SEC24C: variants seen among roughly 807,000 people sequenced by gnomAD.
SEC24C encodes the protein protein transport protein Sec24C.
A neutral mutation model predicts 117.0 loss-of-function variants in SEC24C; 22 were observed. That is an observed-to-expected ratio of 0.19 (90% CI 0.13 to 0.27). SEC24C has a LOEUF of 0.27. Among genes scored for constraint, SEC24C ranks in the 10% least tolerant of loss-of-function variants. The pLI, the probability that SEC24C is intolerant of heterozygous loss-of-function variation, is 1.00. For missense variants in SEC24C, 1,155 were observed against 1,375.1 expected, an observed-to-expected ratio of 0.84 and a Z score of 2.53; for synonymous variants, 506 against 529.4, an observed-to-expected ratio of 0.96 and a Z score of 0.61.
At chr10:73,745,106 A>C (rs923590182) in intron 1 of SEC24C, among the ~76,000 whole-genome samples, 1 of 152,174 alleles carries the variant, frequency 6.6e-6, no homozygotes, top group African/African-American at 2.4e-5. Context: ...CCCTTCTAGC[A>C]AAGGGGGAGA....
chr10:73,759,633 C>A lies in SEC24C; in HGVS notation c.320C>A (p.Ser107Tyr), dbSNP rs767612523. The change falls in exon 4 of 23, where the codon TCT becomes TAT. Residue 107 changes from serine to tyrosine, a missense_variant. By Grantham distance (144) the Ser-to-Tyr change is moderately radical. Transcript: ENST00000345254. Reference sequence around the variant, plus strand: ...CTTTCTTTTCACAGGCTGCCTGGGTCTCAGCCATTTGGGTCCCCATTGGCC... The same window carrying A: ...CTTTCTTTTCACAGGCTGCCTGGGTATCAGCCATTTGGGTCCCCATTGGCC... ...STVQMQRLPGSQPFGSPLAPV... is the reference protein window; with the variant it reads ...STVQMQRLPGYQPFGSPLAPV... 2 of 1,528,520 alleles carry A rather than the reference C, an allele frequency of 1.3e-6. No individual in the cohort carries two copies. Among genetic ancestry groups the A allele is most frequent in the Non-Finnish European group, 1.8e-6 (2 of 1,139,356 alleles). The allele number at this position is 1,528,520 out of a possible 1,614,324, so 94.7% of individuals were successfully genotyped here. A position where few individuals can be genotyped will look rare whatever the true frequency, so the allele number is the denominator to read the frequency against.
chr10:73,751,750 T>C (rs1392403696), intron 3 of SEC24C: 1 of 152,264 alleles, frequency 6.6e-6, no homozygotes, highest in Non-Finnish European at 1.5e-5. Context: ...GCCCTGTGGA[T>C]TATTGACCCA....
intron 2 of SEC24C, among the ~76,000 whole-genome samples, chr10:73,747,774 C>T (rs1032896137): frequency 1.2e-4 from 18 of 151,758 alleles, no homozygotes; most frequent in African/African-American, 4.1e-4. Context: ...ATTCTCCTGC[C>T]TCAGCCTCCC....
chr10:73,770,681 A>G lies in SEC24C; in HGVS notation c.3055-28A>G, dbSNP rs117207638. ...TTGACTGAACTCAGAGTGCCTTACC[A>G]TAAGGATAAATGAATTTTGTGTTCT... On this transcript the variant is annotated intron_variant, in intron 21 of 22. Transcript: ENST00000345254. 1,968 of 1,612,256 alleles carry G rather than the reference A, an allele frequency of 1.2e-3. 3 individuals carry two copies. The highest frequency in any genetic ancestry group is 1.6e-3 in the Non-Finnish European group (1,848 of 1,178,314).
rs1022991164 is a variant in SEC24C, at chr10:73,744,433, G to A, written c.-33G>A. On this transcript the variant is annotated 5_prime_UTR_variant, in exon 1 of 23. Transcript: ENST00000345254. ...GAACGAAGTCTAACCTGGATCTGGA[G>A]CCGGGTGAGGAGTGGCATCGGGAGG... The A allele has an allele frequency of 1.3e-5, 2 of 152,906 alleles. No homozygotes were observed. Among genetic ancestry groups the A allele is most frequent in the African/African-American group, 2.4e-5 (1 of 41,470 alleles). 9.5% of individuals were successfully genotyped at this position (152,906 alleles called of 1,614,324 possible).
rs550379929 is a variant in SEC24C, at chr10:73,759,963, G to A, written c.482-55G>A. 36 of 1,519,914 alleles carry A rather than the reference G, an allele frequency of 2.4e-5. No homozygotes were observed. The Admixed American group carries it at 5.6e-4, about 24-fold the overall frequency. The allele number at this position is 1,519,914 out of a possible 1,614,324, so 94.2% of individuals were successfully genotyped here. A position where few individuals can be genotyped will look rare whatever the true frequency, so the allele number is the denominator to read the frequency against. On this transcript the variant is annotated intron_variant, in intron 4 of 22. Transcript: ENST00000345254. ...TGTGTGGAAAGGGAAGTGATATACC[G>A]AACAAGGAGGCAGAATGACTGGGCT... is the stretch of plus-strand genomic sequence containing the variant.
In SEC24C at chr10:73,760,008, T is replaced by A. The variant is rs2132549777; in HGVS notation, c.482-10T>A. 6.4e-7 allele frequency: 1 copy of A among 1,557,848 alleles called. No homozygotes were observed. Among genetic ancestry groups the A allele is most frequent in the African/African-American group, 1.4e-5 (1 of 73,000 alleles). ...TGGGCTTTTGACTCTACCTTTATTC[T>A]ACTTCTCAGGCCCACCAACATCGCT... is the stretch of plus-strand genomic sequence containing the variant. On this transcript the variant is annotated splice_polypyrimidine_tract_variant and intron_variant, in intron 4 of 22. Coordinates refer to ENST00000345254, the MANE Select transcript of SEC24C (RefSeq NM_198597.3).
chr10:73,766,301 G>A (rs1246123491), intron 11 of SEC24C, 49 bp from the exon 12 acceptor site: 2 of 1,581,966 alleles, frequency 1.3e-6, no homozygotes, highest in East Asian at 2.2e-5. Flanking sequence ...ATGAAGTTGT[G>A]GGTGGTGGAA....
intron 8 of SEC24C, among the ~76,000 whole-genome samples, chr10:73,764,465 A>G (rs1255022469): frequency 6.7e-6 from 1 of 150,264 alleles, no homozygotes; most frequent in African/African-American, 2.5e-5. Flanking sequence ...CAGAGCTTGC[A>G]GTGAGGCGAG....
At chr10:73,757,789 G>A (rs1165739040) in intron 3 of SEC24C, among the ~76,000 whole-genome samples, 1 of 151,644 alleles carries the variant, frequency 6.6e-6, no homozygotes, top group East Asian at 1.9e-4. Flanking sequence ...GTGTGTGCCT[G>A]TGGTCTCAGA....
At position 73,771,062 on chromosome 10, in the gene SEC24C, T is replaced by C. The variant is rs1247601096; in HGVS notation, c.3252T>C (p.His1084=). The C allele has an allele frequency of 6.2e-7, 1 of 1,614,206 alleles. No homozygotes were observed. The highest frequency in any genetic ancestry group is 1.3e-5 in the African/African-American group (1 of 75,042). Residue 1084 remains histidine, a synonymous_variant, in exon 23 of 23, where the codon CAT becomes CAC. Coordinates refer to ENST00000345254, the MANE Select transcript of SEC24C (RefSeq NM_198597.3). ...GGASYVDFLC[H]MHKEIRQLLS ...CATCTTATGTGGACTTTCTCTGTCATATGCACAAGGAGATTCGGCAGCTAC... is the reference window on the plus strand; with the variant it reads ...CATCTTATGTGGACTTTCTCTGTCACATGCACAAGGAGATTCGGCAGCTAC...
intron 3 of SEC24C, among the ~76,000 whole-genome samples, chr10:73,755,606 G>A (rs1296413622): frequency 6.6e-6 from 1 of 151,812 alleles, no homozygotes; most frequent in Admixed American, 6.6e-5. Context: ...GAACCCAGGA[G>A]GCAGAGCTTG....
At chr10:73,754,260 C>CA (rs1319315901) in intron 3 of SEC24C, among the ~76,000 whole-genome samples, 2 of 151,834 alleles carry the variant, frequency 1.3e-5, no homozygotes, top group African/African-American at 4.8e-5. Context: ...ACTAAAAATA[C>CA]AAAAATTAGC....
chr10:73,769,313 G>T lies in SEC24C; in HGVS notation c.2425-34G>T. On this transcript the variant is annotated intron_variant, in intron 17 of 22. Coordinates refer to ENST00000345254, the MANE Select transcript of SEC24C (RefSeq NM_198597.3). This position sits in a 1 kb window ranked among gnomAD's most constrained non-coding sequence, Gnocchi z 4.5. ...TGTAGCAAAGGGCCTTTGTGAGGGAGGGGTGTGAGTTCCCCCTTTCTCCTT... is the reference window on the plus strand; with the variant it reads ...TGTAGCAAAGGGCCTTTGTGAGGGATGGGTGTGAGTTCCCCCTTTCTCCTT... 1 of 1,610,944 alleles carries T rather than the reference G, an allele frequency of 6.2e-7. No individual in the cohort carries two copies. The highest frequency in any genetic ancestry group is 1.1e-5 in the South Asian group (1 of 90,394).
intron 20 of SEC24C, 30 bp downstream of exon 20, chr10:73,770,045 T>C: frequency 6.2e-7 from 1 of 1,604,558 alleles, no homozygotes; most frequent in South Asian, 1.1e-5. Context: ...TATGAGATCT[T>C]GCACGGAGCA....
chr10:73,770,089 G>A (rs2082950691), intron 20 of SEC24C, 74 bp downstream of exon 20: 1 of 1,411,366 alleles, frequency 7.1e-7, no homozygotes. Flanking sequence ...GGATAGGCTA[G>A]TATCAGTCAG....
Position 73,766,795 on chromosome 10 carries a change from C to G in SEC24C, c.1835C>G (p.Thr612Arg). 1 of 1,614,152 alleles carries G rather than the reference C, an allele frequency of 6.2e-7. No homozygotes were observed. The highest frequency in any genetic ancestry group is 1.1e-5 in the South Asian group (1 of 91,088). Reference sequence around the variant, plus strand: ...CAGATTCCAGAAATGTTTGCAGACACAAGGGAAACAGAGACAGTATTTGTA... The same window carrying G: ...CAGATTCCAGAAATGTTTGCAGACAGAAGGGAAACAGAGACAGTATTTGTA... Reference protein sequence around the residue: ...LDQIPEMFADTRETETVFVPV... With the variant: ...LDQIPEMFADRRETETVFVPV... Residue 612 changes from threonine (T) to arginine (R), a missense_variant, in exon 13 of 23, where the codon ACA becomes AGA. Physicochemically the swap from Thr to Arg is moderately conservative, Grantham distance 71. Around this residue, in one of 2 missense-constraint regions of SEC24C, gnomAD observed 759 missense variants for 992.3 expected, o/e 0.76. Coordinates refer to ENST00000345254, the MANE Select transcript of SEC24C (RefSeq NM_198597.3).
intron 3 of SEC24C, among the ~76,000 whole-genome samples, chr10:73,756,520 T>C (rs2082712645): frequency 6.6e-6 from 1 of 152,224 alleles, no homozygotes; most frequent in Non-Finnish European, 1.5e-5. Flanking sequence ...ATTCTGGTGA[T>C]GGTTGCATAA....
chr10:73,748,108 TTTATTTTATTTTAC>T (rs2082587021), intron 2 of SEC24C, among the ~76,000 whole-genome samples: 1 of 151,956 alleles, frequency 6.6e-6, no homozygotes, highest in Non-Finnish European at 1.5e-5. Flanking sequence ...TCCCTGTTTT[TTTATTTTATTTTAC>T]TTATTTTATT....
Sources: gnomAD v4.1 joint callset for allele counts (sites outside exome capture counted in the v4.1 genomes callset) on GRCh38, gnomAD v4.1.1 for gene constraint, gnomAD v4.1.1 regional missense constraint, Gnocchi (gnomAD v3.1) non-coding constraint, MANE v1.5 for transcripts, NCBI Gene and HGNC (gene_info 2026-07-23, HGNC 2026-07-21) for gene names.